Variants in TNRC6B observed in about 807,000 individuals in gnomAD.
TNRC6B encodes trinucleotide repeat containing adaptor 6B, also known as trinucleotide repeat-containing gene 6B protein.
In TNRC6B, 52 loss-of-function variants were observed where a neutral mutation model predicts 203.6. The ratio of observed to expected loss-of-function variants is 0.26; its 90% CI spans 0.20 to 0.32. TNRC6B has a LOEUF of 0.32. TNRC6B is among the 10% of genes least tolerant of loss of function. The pLI, the probability that TNRC6B is intolerant of heterozygous loss-of-function variation, is 1.00. For synonymous variants in TNRC6B, 838 were observed against 845.7 expected (o/e 0.99, Z 0.16); for missense variants, 1,923 against 2,286.2 (o/e 0.84, Z 3.24).
Position 40,181,318 on chromosome 22 carries a change from A to C in TNRC6B, c.5+3178A>C, listed in dbSNP as rs563247156. ...GGCTGAGCAGCTCTGGCTATTGAGG[A>C]CCACCCTGAGGAATAAGGGTGGTCC... On this transcript the variant is annotated intron_variant, in intron 1 of 22. Coordinates refer to ENST00000454349, the MANE Select transcript of TNRC6B (RefSeq NM_001162501.2). Among the ~76,000 whole-genome samples the C allele has an allele frequency of 1.8e-4, 27 of 151,958 alleles. No individual in the cohort carries two copies. In the South Asian group the frequency reaches 5.6e-3, roughly 32 times the overall value.
At chr22:40,296,492 C>T (rs923319717) in intron 12 of TNRC6B, among the ~76,000 whole-genome samples, 2 of 151,562 alleles carry the variant, frequency 1.3e-5, no homozygotes, top group African/African-American at 4.8e-5. Context: ...CCATCACTCC[C>T]GGCTAATTTT....
At position 40,328,305 on chromosome 22, in the gene TNRC6B, A is replaced by G. The variant is rs966037537; in HGVS notation, c.*5064A>G. 10 of 152,394 alleles carry G rather than the reference A, an allele frequency of 6.6e-5. No homozygotes were observed. Among genetic ancestry groups the G allele is most frequent in the Non-Finnish European group, 1.3e-4 (9 of 68,038 alleles). 9.4% of individuals were successfully genotyped at this position (152,394 alleles called of 1,614,324 possible). ...TCCTATGAGTATGGCTCCTGTTGTA[A>G]GAATTTTCCCACCTCTTCTGACATG... On this transcript the variant is annotated 3_prime_UTR_variant, in exon 23 of 23. Coordinates refer to ENST00000454349, the MANE Select transcript of TNRC6B (RefSeq NM_001162501.2).
At chr22:40,107,061 T>C in intron 1 of TNRC6B, 1 of 805,692 alleles carries the variant, frequency 1.2e-6, no homozygotes, top group Non-Finnish European at 2.1e-6. Flanking sequence ...TTCTACACCC[T>C]CCGTGGTTCC....
At chr22:40,242,767 C>A (rs531108842) in intron 1 of TNRC6B, among the ~76,000 whole-genome samples, 11 of 151,950 alleles carry the variant, frequency 7.2e-5, no homozygotes, top group Non-Finnish European at 1.6e-4. Context: ...CCATCAGTCT[C>A]CTGTATGTAA....
intron 1 of TNRC6B, among the ~76,000 whole-genome samples, chr22:40,110,142 AATT>A (rs2068320253): frequency 6.6e-6 from 1 of 152,172 alleles, no homozygotes; most frequent in Admixed American, 6.5e-5. Flanking sequence ...TAATCTGCTT[AATT>A]ATTTCTTTTA....
chr22:40,165,291 T>C (rs529376151), intron 4 of TNRC6B, among the ~76,000 whole-genome samples: 1 of 151,918 alleles, frequency 6.6e-6, no homozygotes, highest in African/African-American at 2.4e-5. Context: ...ATCCTCCCAC[T>C]TTAGCCTCTG....
chr22:40,272,175 C>G (rs1452075514), intron 6 of TNRC6B, among the ~76,000 whole-genome samples: 2 of 152,076 alleles, frequency 1.3e-5, no homozygotes, highest in Non-Finnish European at 2.9e-5. Flanking sequence ...AGGCAGCAGT[C>G]CTGGTTATCA....
At chr22:40,072,587 G>A (rs1334099084) in intron 1 of TNRC6B, among the ~76,000 whole-genome samples, 1 of 152,130 alleles carries the variant, frequency 6.6e-6, no homozygotes, top group African/African-American at 2.4e-5. Flanking sequence ...TCTTTGGCCT[G>A]GCAAGGTGGC....
intron 2 of TNRC6B, among the ~76,000 whole-genome samples, chr22:40,120,789 G>A (rs2068436922): frequency 6.6e-6 from 1 of 152,150 alleles, no homozygotes; most frequent in African/African-American, 2.4e-5. Context: ...GTTGCCATAG[G>A]AGAACTGGCT....
intron 1 of TNRC6B, among the ~76,000 whole-genome samples, chr22:40,222,948 C>T (rs2069734721): frequency 6.6e-6 from 1 of 151,570 alleles, no homozygotes; most frequent in African/African-American, 2.4e-5. Context: ...GGTTTCACCA[C>T]GTCACCCAGG....
intron 12 of TNRC6B, among the ~76,000 whole-genome samples, chr22:40,298,984 G>A (rs548585883): frequency 2.6e-5 from 4 of 151,194 alleles, no homozygotes; most frequent in Non-Finnish European, 4.4e-5. Flanking sequence ...AAAAGAAATG[G>A]CAGAGCTGGG....
chr22:40,176,028 C>T (rs550545844), upstream of TNRC6B, among the ~76,000 whole-genome samples: 4 of 152,086 alleles, frequency 2.6e-5, no homozygotes, highest in Non-Finnish European at 4.4e-5. Flanking sequence ...GCTGGCATGG[C>T]AGCCTAGTTT....
intron 1 of TNRC6B, among the ~76,000 whole-genome samples, chr22:40,090,279 A>G (rs1197105618): frequency 6.6e-6 from 1 of 152,186 alleles, no homozygotes; most frequent in Non-Finnish European, 1.5e-5. Context: ...AAGTGGCCAT[A>G]CGGTTTTGCA....
chr22:40,050,130 C>T (rs1439148129), intron 1 of TNRC6B, among the ~76,000 whole-genome samples: 2 of 152,142 alleles, frequency 1.3e-5, no homozygotes, highest in Non-Finnish European at 2.9e-5. Flanking sequence ...TGGAATCCTG[C>T]TACTTAGTTA....
chr22:40,281,451 ATC>A (rs1402485318), intron 11 of TNRC6B, among the ~76,000 whole-genome samples, 162 bp downstream of exon 11: 1 of 151,578 alleles, frequency 6.6e-6, no homozygotes, highest in Non-Finnish European at 1.5e-5. Context: ...CATAGAACCC[ATC>A]TCTCTTCATG....
At chr22:40,238,308 A>T (rs935213532) in intron 1 of TNRC6B, among the ~76,000 whole-genome samples, 2 of 152,138 alleles carry the variant, frequency 1.3e-5, no homozygotes, top group African/African-American at 4.8e-5. Context: ...TTGACAGCTG[A>T]GGAGAGAGGC....
intron 3 of TNRC6B, among the ~76,000 whole-genome samples, chr22:40,143,523 T>A (rs2068662502): frequency 6.6e-6 from 1 of 152,124 alleles, no homozygotes; most frequent in South Asian, 2.1e-4. Context: ...AGAGTCTCGC[T>A]CTGTCACCCA....
chr22:40,308,010 C>T (rs1000521766), intron 15 of TNRC6B, among the ~76,000 whole-genome samples: 1 of 152,150 alleles, frequency 6.6e-6, no homozygotes, highest in African/African-American at 2.4e-5. Context: ...AATGTCTCAC[C>T]ATTCCCTAAA....
intron 1 of TNRC6B, among the ~76,000 whole-genome samples, chr22:40,102,677 C>T (rs779210731): frequency 6.6e-6 from 1 of 152,044 alleles, no homozygotes; most frequent in African/African-American, 2.4e-5. Context: ...GTAGCTCACA[C>T]CTAGAATCTC....
Sources: allele counts gnomAD v4.1 joint callset (sites outside exome capture counted in the v4.1 genomes callset), GRCh38; gene constraint gnomAD v4.1.1; transcripts MANE v1.5; gene names NCBI Gene and HGNC (gene_info 2026-07-23, HGNC 2026-07-21).